Variants in KCNJ16 observed in about 807,000 individuals in gnomAD.
KCNJ16 encodes potassium inwardly rectifying channel subfamily J member 16.
Under a neutral mutation model 18.5 loss-of-function variants are expected in KCNJ16, and 15 were observed. That is an observed-to-expected ratio of 0.81 (90% CI 0.54 to 1.25). The LOEUF (loss-of-function observed/expected upper bound fraction) is 1.25, where lower values mean the gene tolerates loss of function less well. KCNJ16 is among the 50% of genes most tolerant of loss of function. KCNJ16 has a pLI of 0.00. For synonymous variants in KCNJ16, 174 were observed against 186.5 expected (o/e 0.93, Z 0.55); for missense variants, 523 against 525.7 (o/e 0.99, Z 0.05).
At chr17:70,089,778 G>C (rs1007928623) in intron 1 of KCNJ16, among the ~76,000 whole-genome samples, 1 of 152,158 alleles carries the variant, frequency 6.6e-6, no homozygotes, top group African/African-American at 2.4e-5. Context: ...TTAAAAGTTA[G>C]TTACTCCAGT....
At position 70,133,026 on chromosome 17, in the gene KCNJ16, C is replaced by T. The variant is rs765229418; in HGVS notation, c.939C>T (p.Val313=). The change falls in exon 4 of 4, where the codon GTC becomes GTT. Residue 313 remains valine, a synonymous_variant. Transcript: ENST00000392671. ...EILWGHRFND[V]LEVKRKYYKV... ...TCTGGGGCCATAGGTTTAATGATGT[C>T]TTGGAAGTTAAGAGGAAGTATTACA... The T allele has an allele frequency of 4.3e-6, 7 of 1,613,906 alleles. No individual in the cohort carries two copies. The highest frequency in any genetic ancestry group is 1.7e-5 in the Admixed American group (1 of 59,990).
At chr17:70,131,895 G>T in intron 3 of KCNJ16, 100 bp from the exon 4 acceptor site, 1 of 988,996 alleles carries the variant, frequency 1.0e-6, no homozygotes, top group South Asian at 1.7e-5. Context: ...TGAAGTCGTA[G>T]CTATTTTAGA....
At chr17:70,080,431 A>G (rs2071504417) in intron 1 of KCNJ16, among the ~76,000 whole-genome samples, 1 of 152,180 alleles carries the variant, frequency 6.6e-6, no homozygotes. Flanking sequence ...AACAATAAAT[A>G]TATTTTTATA....
At chr17:70,105,610 T>C (rs1023045007) in intron 2 of KCNJ16, among the ~76,000 whole-genome samples, 3 of 152,206 alleles carry the variant, frequency 2.0e-5, no homozygotes, top group Admixed American at 2.0e-4. Flanking sequence ...TAAAGACTCT[T>C]TAGAAAAACA....
chr17:70,123,465 A>C (rs1018058850), intron 2 of KCNJ16, among the ~76,000 whole-genome samples: 1 of 152,142 alleles, frequency 6.6e-6, no homozygotes, highest in Non-Finnish European at 1.5e-5. Flanking sequence ...TTGGACATAT[A>C]TCTCTCCCAG....
chr17:70,113,191 A>G (rs1567796443), intron 2 of KCNJ16, among the ~76,000 whole-genome samples: 2 of 152,240 alleles, frequency 1.3e-5, no homozygotes, highest in Non-Finnish European at 2.9e-5. Context: ...TAGAAAATCA[A>G]GAAGTAACCA....
chr17:70,125,273 G>GAA (rs111228932), intron 2 of KCNJ16, among the ~76,000 whole-genome samples: 1 of 126,714 alleles, frequency 7.9e-6, no homozygotes. Context: ...CTGTTTCAAA[G>GAA]AAAAAAAAAA....
At position 70,126,481 on chromosome 17, in the gene KCNJ16, T is replaced by A. The variant is rs1290284783; in HGVS notation, c.-190-4398T>A. Among the ~76,000 whole-genome samples, 4 of 152,180 alleles carry A rather than the reference T, an allele frequency of 2.6e-5. No individual in the cohort carries two copies. The East Asian group carries it at 5.8e-4, about 22-fold the overall frequency. ...GAATGACTCTTGTGTGCCTGGCACA[T>A]TAAAAGGTGGCTTCCCATTCATTAT... is the stretch of plus-strand genomic sequence containing the variant. On this transcript the variant is annotated intron_variant, in intron 2 of 3. Transcript: ENST00000392671.
At chr17:70,100,476 C>T (rs901829609) in intron 1 of KCNJ16, among the ~76,000 whole-genome samples, 182 bp from the exon 2 acceptor site, 1 of 152,138 alleles carries the variant, frequency 6.6e-6, no homozygotes, top group African/African-American at 2.4e-5. Context: ...CTTTTCACCA[C>T]CCGAAAAACA....
intron 1 of KCNJ16, among the ~76,000 whole-genome samples, chr17:70,085,423 C>T (rs1450445901): frequency 6.6e-6 from 1 of 152,172 alleles, no homozygotes; most frequent in African/African-American, 2.4e-5. Flanking sequence ...AATGACATAG[C>T]TAGATTTGAA....
chr17:70,120,430 A>C (rs1255430567), intron 2 of KCNJ16, among the ~76,000 whole-genome samples: 3 of 152,188 alleles, frequency 2.0e-5, no homozygotes, highest in African/African-American at 7.2e-5. Context: ...TTTCTATATT[A>C]GGTTCTTTTT....
intron 2 of KCNJ16, among the ~76,000 whole-genome samples, chr17:70,116,458 C>G (rs1433416177): frequency 2.6e-5 from 4 of 152,172 alleles, no homozygotes; most frequent in Non-Finnish European, 4.4e-5. Flanking sequence ...GGAATTGCTG[C>G]ATTGGAGGTT....
chr17:70,132,409 A>G lies in KCNJ16; in HGVS notation c.322A>G (p.Ile108Val). The change falls in exon 4 of 4, where the codon ATC (isoleucine) becomes GTC (valine). Residue 108 changes from isoleucine to valine, a missense_variant. Physicochemically the swap from Ile to Val is conservative, Grantham distance 29. Transcript: ENST00000392671. ...HHGDLLNDPD[I>V]TPCVDNVHSF... Reference sequence around the variant, plus strand: ...TGGCGATCTATTAAATGATCCAGACATCACACCTTGTGTTGACAACGTCCA... The same window carrying G: ...TGGCGATCTATTAAATGATCCAGACGTCACACCTTGTGTTGACAACGTCCA... The G allele has an allele frequency of 6.2e-7, 1 of 1,614,172 alleles. No individual in the cohort carries two copies. Among genetic ancestry groups the G allele is most frequent in the Non-Finnish European group, 8.5e-7 (1 of 1,180,032 alleles).
intron 1 of KCNJ16, among the ~76,000 whole-genome samples, chr17:70,079,830 G>A (rs1375971765): frequency 6.6e-6 from 1 of 152,152 alleles, no homozygotes; most frequent in Non-Finnish European, 1.5e-5. Flanking sequence ...CGCTTCCCAA[G>A]TAGCTGGGAT....
chr17:70,116,120 A>C (rs547252696), intron 2 of KCNJ16, among the ~76,000 whole-genome samples: 1 of 152,216 alleles, frequency 6.6e-6, no homozygotes, highest in South Asian at 2.1e-4. Context: ...TAATCACATC[A>C]AAATTAACAT....
At chr17:70,107,295 C>T (rs1246016343) in intron 2 of KCNJ16, among the ~76,000 whole-genome samples, 1 of 152,110 alleles carries the variant, frequency 6.6e-6, no homozygotes, top group African/African-American at 2.4e-5. Flanking sequence ...CTTAATAATT[C>T]ATCTGGAATC....
intron 1 of KCNJ16, among the ~76,000 whole-genome samples, chr17:70,077,726 T>A (rs1019722559): frequency 2.6e-5 from 4 of 151,944 alleles, no homozygotes; most frequent in African/African-American, 9.7e-5. Flanking sequence ...AGTCCATCCA[T>A]CAGCTTTGGC....
In KCNJ16 at chr17:70,130,995, CCTTGATGT is replaced by C; in HGVS notation, c.-94+21_-94+28del. ...AAAATGGTAAGAGCTGCATGTTCTG[CCTTGATGT>C]TTTCAAGACTGAATTTGGAGGGAGA... On this transcript the variant is annotated intron_variant, in intron 3 of 3. Transcript: ENST00000392671. The C allele has an allele frequency of 6.5e-7, 1 of 1,533,340 alleles. No individual in the cohort carries two copies. Among genetic ancestry groups the C allele is most frequent in the Non-Finnish European group, 8.7e-7 (1 of 1,144,586 alleles). The allele number at this position is 1,533,340 out of a possible 1,614,324, so 95.0% of individuals were successfully genotyped here.
intron 2 of KCNJ16, among the ~76,000 whole-genome samples, chr17:70,114,837 A>G (rs554922048): frequency 6.6e-6 from 1 of 152,308 alleles, no homozygotes; most frequent in East Asian, 1.9e-4. Context: ...ATATTAATCT[A>G]CATAAGATAA....
Sources: gnomAD v4.1 joint callset for allele counts (sites outside exome capture counted in the v4.1 genomes callset) on GRCh38, gnomAD v4.1.1 for gene constraint, MANE v1.5 for transcripts, NCBI Gene and HGNC (gene_info 2026-07-23, HGNC 2026-07-21) for gene names.